Variants in CDK14 observed in about 807,000 individuals in gnomAD.
CDK14 encodes the protein cyclin-dependent kinase 14.
CDK14 carries 34 observed loss-of-function variants against 60.7 expected under a neutral mutation model. The observed-to-expected ratio is 0.56, with a 90% confidence interval of 0.43 to 0.75. The LOEUF is 0.75. Ranked by LOEUF, CDK14 falls within the 30% of genes least tolerant of loss-of-function variation. The pLI is 0.00. For synonymous variants in CDK14, 197 were observed against 203.7 expected, an observed-to-expected ratio of 0.97 and a Z score of 0.28; for missense variants, 482 against 564.1, an observed-to-expected ratio of 0.85 and a Z score of 1.47.
At chr7:91,057,850 G>T (rs1046685206) in intron 11 of CDK14, among the ~76,000 whole-genome samples, 2 of 152,096 alleles carry the variant, frequency 1.3e-5, no homozygotes, top group Non-Finnish European at 2.9e-5. Context: ...GATGCCTCCA[G>T]CTTTGTTCTT....
chr7:91,097,730 C>T (rs919352506), intron 12 of CDK14, among the ~76,000 whole-genome samples: 1 of 152,174 alleles, frequency 6.6e-6, no homozygotes, highest in South Asian at 2.1e-4. Flanking sequence ...GTCTGAACCT[C>T]AGCTCCTTCA....
At chr7:90,826,463 C>CA in intron 5 of CDK14, among the ~76,000 whole-genome samples, 1 of 152,076 alleles carries the variant, frequency 6.6e-6, no homozygotes, top group Non-Finnish European at 1.5e-5. Flanking sequence ...ATGATCTGCC[C>CA]ACCTTGGGCT....
At chr7:91,032,633 C>T (rs1292013910) in intron 10 of CDK14, among the ~76,000 whole-genome samples, 1 of 152,142 alleles carries the variant, frequency 6.6e-6, no homozygotes, top group Non-Finnish European at 1.5e-5. Flanking sequence ...AATGCCAGCA[C>T]CCACCAGAAG....
rs1380565885 is a variant in CDK14 at position 90,601,921 on chromosome 7, T to TG, written c.92-2297_92-2296insG. ...GGCACCACCACCACGCTTGGCTAAT[T>TG]TTATGTATGTATGTATGTATGTATG... is the stretch of plus-strand genomic sequence containing the variant. On this transcript the variant is annotated intron_variant, in intron 1 of 14. Coordinates refer to ENST00000380050, the MANE Select transcript of CDK14 (RefSeq NM_001287135.2). Among the ~76,000 whole-genome samples, 261 of 131,862 alleles carry TG rather than the reference T, an allele frequency of 2.0e-3. 2 individuals are homozygous for TG. Among genetic ancestry groups the TG allele is most frequent in the African/African-American group, 6.9e-3 (233 of 34,002 alleles). The allele number at this position is 131,862 out of a possible 152,430, so 86.5% of individuals were successfully genotyped here. A position where few individuals can be genotyped will look rare whatever the true frequency, so the allele number is the denominator to read the frequency against.
intron 5 of CDK14, among the ~76,000 whole-genome samples, chr7:90,817,047 A>G (rs939849999): frequency 1.3e-5 from 2 of 152,216 alleles, no homozygotes; most frequent in African/African-American, 4.8e-5. Flanking sequence ...CTTGGTGTGA[A>G]GTGCCAAAAA....
At chr7:90,681,083 A>G (rs998177578) in intron 2 of CDK14, among the ~76,000 whole-genome samples, 2 of 152,202 alleles carry the variant, frequency 1.3e-5, no homozygotes, top group African/African-American at 4.8e-5. Context: ...CAGAGTTTTA[A>G]TTCTCCTCTT....
At chr7:90,743,282 G>T (rs1255458252) in intron 3 of CDK14, among the ~76,000 whole-genome samples, 1 of 151,998 alleles carries the variant, frequency 6.6e-6, no homozygotes, top group African/African-American at 2.4e-5. Flanking sequence ...TGTTGTTGTG[G>T]CAAGAACAGC....
intron 10 of CDK14, among the ~76,000 whole-genome samples, chr7:90,994,433 G>A (rs1231805275): frequency 6.6e-6 from 1 of 152,158 alleles, no homozygotes. Flanking sequence ...CCTGGTCAGA[G>A]CAGTCACAAA....
At chr7:90,936,609 AT>A (rs1793762424) in intron 8 of CDK14, among the ~76,000 whole-genome samples, 1 of 152,250 alleles carries the variant, frequency 6.6e-6, no homozygotes, top group South Asian at 2.1e-4. Flanking sequence ...CATTATTTTA[AT>A]TTTTGATATG....
At chr7:90,724,350 TA>T (rs1182151281) in intron 2 of CDK14, among the ~76,000 whole-genome samples, 2 of 151,392 alleles carry the variant, frequency 1.3e-5, no homozygotes, top group Non-Finnish European at 2.9e-5. Context: ...GTTCATCATT[TA>T]AAAAAAACTT....
chr7:91,103,060 C>T (rs1448551530), intron 12 of CDK14, among the ~76,000 whole-genome samples: 1 of 152,096 alleles, frequency 6.6e-6, no homozygotes, highest in African/African-American at 2.4e-5. Context: ...CGAGACCAGT[C>T]TGGCCAACAT....
intron 10 of CDK14, among the ~76,000 whole-genome samples, chr7:90,992,004 G>A (rs915543203): frequency 6.6e-6 from 1 of 152,204 alleles, no homozygotes; most frequent in African/African-American, 2.4e-5. Flanking sequence ...GAAGAAAAGT[G>A]TTCAGAAGAG....
At chr7:90,996,116 G>A (rs888050200) in intron 10 of CDK14, among the ~76,000 whole-genome samples, 3 of 152,082 alleles carry the variant, frequency 2.0e-5, no homozygotes, top group African/African-American at 7.2e-5. Context: ...CTTATAATGA[G>A]GATATTCATG....
intron 4 of CDK14, among the ~76,000 whole-genome samples, chr7:90,789,068 C>G (rs751852525): frequency 6.6e-6 from 1 of 152,236 alleles, no homozygotes; most frequent in Admixed American, 6.5e-5. Context: ...TGCAATGGCA[C>G]TTTTAGGAAT....
rs187107951 is a variant in CDK14 at position 90,607,964 on chromosome 7, T to C, written c.123+3715T>C. Among the ~76,000 whole-genome samples the C allele has an allele frequency of 1.1e-3, 175 of 152,336 alleles. 1 individual carries two copies. The highest frequency in any genetic ancestry group is 4.0e-3 in the African/African-American group (168 of 41,584). On this transcript the variant is annotated intron_variant, in intron 2 of 14. Transcript: ENST00000380050. ...GTTTGGAAGGGTTTGACATAGTACT[T>C]GGCCACAGTGAAGGGGCTACATAAT...
chr7:90,950,967 A>G (rs1483192759), intron 8 of CDK14, among the ~76,000 whole-genome samples: 5 of 147,722 alleles, frequency 3.4e-5, no homozygotes, highest in Non-Finnish European at 7.6e-5. Context: ...GTGTTACCAC[A>G]TCATAAGATA....
At chr7:90,895,490 C>G (rs1396858189) in intron 6 of CDK14, among the ~76,000 whole-genome samples, 1 of 41,624 alleles carries the variant, frequency 2.4e-5, no homozygotes, top group Non-Finnish European at 4.8e-5. Context: ...CCTCTCCTCT[C>G]CTCTCCTCTC....
At chr7:90,648,236 A>G (rs1404912864) in intron 2 of CDK14, among the ~76,000 whole-genome samples, 1 of 152,088 alleles carries the variant, frequency 6.6e-6, no homozygotes, top group African/African-American at 2.4e-5. Context: ...CTGCTTGCAC[A>G]ATGCCTCACT....
intron 9 of CDK14, among the ~76,000 whole-genome samples, chr7:90,973,932 A>G (rs189463919): frequency 2.0e-5 from 3 of 152,118 alleles, no homozygotes; most frequent in Non-Finnish European, 4.4e-5. Context: ...CGGTCTGACT[A>G]GAATTCACCA....
Sources: allele counts gnomAD v4.1 joint callset (sites outside exome capture counted in the v4.1 genomes callset), GRCh38; gene constraint gnomAD v4.1.1; transcripts MANE v1.5; gene names NCBI Gene and HGNC (gene_info 2026-07-23, HGNC 2026-07-21).